Variants in MTHFD1L observed in about 807,000 individuals in gnomAD.
MTHFD1L encodes methylenetetrahydrofolate dehydrogenase (NADP+ dependent) 1 like.
In MTHFD1L, 81 loss-of-function variants were observed where a neutral mutation model predicts 119.5. That is an observed-to-expected ratio of 0.68 (90% CI 0.57 to 0.82). MTHFD1L has a LOEUF of 0.82. Among genes scored for constraint, MTHFD1L ranks in the 40% least tolerant of loss-of-function variants. MTHFD1L has a pLI of 0.00. For missense variants in MTHFD1L, 1,125 were observed against 1,253.4 expected (o/e 0.90, Z 1.55); for synonymous variants, 430 against 475.2 (o/e 0.90, Z 1.24).
chr6:150,956,944 T>C (rs1309948390), intron 17 of MTHFD1L, among the ~76,000 whole-genome samples: 1 of 152,172 alleles, frequency 6.6e-6, no homozygotes, highest in Non-Finnish European at 1.5e-5. Flanking sequence ...AGATTTCAAA[T>C]ATCCATGCTA....
At chr6:151,017,940 T>C (rs947440840) in intron 24 of MTHFD1L, among the ~76,000 whole-genome samples, 1 of 149,262 alleles carries the variant, frequency 6.7e-6, no homozygotes, top group Non-Finnish European at 1.5e-5. Flanking sequence ...GTTCATGCCA[T>C]GTTTTCAATT....
intron 4 of MTHFD1L, among the ~76,000 whole-genome samples, chr6:150,881,344 CTCTT>C (rs1227478922): frequency 3.3e-5 from 5 of 152,192 alleles, no homozygotes; most frequent in Non-Finnish European, 5.9e-5. Flanking sequence ...TGAAGAGGCT[CTCTT>C]TCCACAATGT....
intron 7 of MTHFD1L, among the ~76,000 whole-genome samples, chr6:150,896,903 C>T (rs545974494): frequency 2.6e-5 from 4 of 151,740 alleles, no homozygotes; most frequent in East Asian, 1.9e-4. Flanking sequence ...GGTCAGGAAT[C>T]GAGACCATCC....
chr6:151,001,087 C>G (rs1050105906), intron 20 of MTHFD1L, among the ~76,000 whole-genome samples: 4 of 152,170 alleles, frequency 2.6e-5, no homozygotes, highest in Non-Finnish European at 5.9e-5. Flanking sequence ...GAGCTAGTTG[C>G]AAGGACTAGT....
chr6:151,081,717 A>C (rs1381534698), intron 26 of MTHFD1L, among the ~76,000 whole-genome samples: 1 of 152,142 alleles, frequency 6.6e-6, no homozygotes, highest in Non-Finnish European at 1.5e-5. Flanking sequence ...ACAGCTTATT[A>C]TCTCTGGGCA....
At chr6:151,095,657 A>C (rs1024808344) in intron 27 of MTHFD1L, among the ~76,000 whole-genome samples, 7 of 152,358 alleles carry the variant, frequency 4.6e-5, no homozygotes, top group African/African-American at 1.4e-4. Flanking sequence ...GGCCTATGGT[A>C]ATTACTTCCA....
chr6:150,993,695 C>T (rs61166559), intron 20 of MTHFD1L, among the ~76,000 whole-genome samples: 29,668 of 151,924 alleles, frequency 0.2, 3,000 homozygotes, highest in Middle Eastern at 0.29. Context: ...TCCAAAGTGC[C>T]GTAAGTACCG....
At chr6:150,978,840 C>A (rs116130034) in intron 20 of MTHFD1L, among the ~76,000 whole-genome samples, 1 of 152,060 alleles carries the variant, frequency 6.6e-6, no homozygotes, top group African/African-American at 2.4e-5. Context: ...TGACAGAGGA[C>A]GTGACCTGAG....
At chr6:150,911,760 T>G (rs1786929550) in intron 8 of MTHFD1L, among the ~76,000 whole-genome samples, 1 of 152,054 alleles carries the variant, frequency 6.6e-6, no homozygotes, top group Non-Finnish European at 1.5e-5. Flanking sequence ...GGCCTCAAAA[T>G]CATGGCGGGA....
intron 16 of MTHFD1L, among the ~76,000 whole-genome samples, chr6:150,950,056 T>G (rs1242138139): frequency 7.4e-6 from 1 of 135,552 alleles, no homozygotes; most frequent in Admixed American, 7.5e-5. Context: ...GATGCGCATT[T>G]TATAGCAGTT....
At chr6:150,935,676 A>G in intron 11 of MTHFD1L, 1 of 754,314 alleles carries the variant, frequency 1.3e-6, no homozygotes, top group South Asian at 2.2e-5. Flanking sequence ...GGATGCTATT[A>G]AAGCTTTGTT....
chr6:150,869,958 C>T (rs1222577647), intron 1 of MTHFD1L, among the ~76,000 whole-genome samples: 9 of 151,448 alleles, frequency 5.9e-5, no homozygotes, highest in Middle Eastern at 3.5e-3. Flanking sequence ...TTAGTAGAGA[C>T]GGGGTTTCAC....
chr6:150,923,056 A>G (rs1053299096), intron 10 of MTHFD1L, among the ~76,000 whole-genome samples: 1 of 152,164 alleles, frequency 6.6e-6, no homozygotes. Context: ...CCCAACACGT[A>G]TATATCCGCC....
chr6:150,919,993 G>A (rs1176070817), intron 9 of MTHFD1L, among the ~76,000 whole-genome samples: 1 of 152,132 alleles, frequency 6.6e-6, no homozygotes, highest in Non-Finnish European at 1.5e-5. Flanking sequence ...CATGGCTGTG[G>A]GCATGTGTAT....
rs149796445 is a variant in MTHFD1L at position 150,952,866 on chromosome 6, G to A, written c.1727-3129G>A. On this transcript the variant is annotated intron_variant, in intron 16 of 27. Transcript: ENST00000367321. ...TATGCCTCATACCGAAAGTTTAAAGGCCTCATGTTCCTGGACCCAGAGTGG... is the reference window on the plus strand; with the variant it reads ...TATGCCTCATACCGAAAGTTTAAAGACCTCATGTTCCTGGACCCAGAGTGG... 2.0e-3 allele frequency among the ~76,000 whole-genome samples: 309 copies of A among 152,268 alleles called. 1 individual carries two copies. Among genetic ancestry groups the A allele is most frequent in the African/African-American group, 7.3e-3 (305 of 41,552 alleles).
chr6:150,937,130 G>T (rs561169527), intron 12 of MTHFD1L, among the ~76,000 whole-genome samples, 190 bp downstream of exon 12: 1 of 152,274 alleles, frequency 6.6e-6, no homozygotes, highest in African/African-American at 2.4e-5. Flanking sequence ...AGTGGGAGCC[G>T]CCAGGGCTTC....
intron 13 of MTHFD1L, 83 bp downstream of exon 13, chr6:150,938,828 A>G: frequency 6.8e-7 from 1 of 1,478,060 alleles, no homozygotes; most frequent in East Asian, 2.4e-5. Context: ...ACACAGGCCC[A>G]CAGACCCTCA....
intron 23 of MTHFD1L, among the ~76,000 whole-genome samples, chr6:151,015,271 C>T (rs1296219758): frequency 7.7e-6 from 1 of 129,320 alleles, no homozygotes; most frequent in Non-Finnish European, 1.6e-5. Flanking sequence ...TGTGAATGAT[C>T]AAAGGGATAT....
chr6:151,088,276 C>G (rs1330376199), intron 26 of MTHFD1L: 1 of 152,128 alleles, frequency 6.6e-6, no homozygotes, highest in Non-Finnish European at 1.5e-5. Context: ...GGTTTCTCGT[C>G]TGTCGTCGCT....
Sources: gnomAD v4.1 joint callset for allele counts (sites outside exome capture counted in the v4.1 genomes callset) on GRCh38, gnomAD v4.1.1 for gene constraint, MANE v1.5 for transcripts, NCBI Gene and HGNC (gene_info 2026-07-23, HGNC 2026-07-21) for gene names.